The following RHPN2 variants were observed in gnomAD, a reference collection of about 807,000 sequenced individuals.
RHPN2 encodes the protein rhophilin-2.
In RHPN2, 40 loss-of-function variants were observed where a neutral mutation model predicts 79.0. The ratio of observed to expected loss-of-function variants is 0.51; its 90% CI spans 0.39 to 0.66. RHPN2 has a LOEUF of 0.66. Ranked by LOEUF, RHPN2 falls within the 30% of genes least tolerant of loss-of-function variation. The probability of loss-of-function intolerance (pLI) is 0.00; values close to 1 mark genes in which losing one functional copy is unlikely to be tolerated. For synonymous variants in RHPN2, 285 were observed against 363.5 expected, an observed-to-expected ratio of 0.78 and a Z score of 2.46; for missense variants, 686 against 883.5, an observed-to-expected ratio of 0.78 and a Z score of 2.83.
Position 32,996,129 on chromosome 19 carries a change from T to A in RHPN2, c.1317A>T (p.Leu439=), listed in dbSNP as rs543397656. The change falls in exon 11 of 15, where the codon CTA becomes CTT. Residue 439 remains leucine (L), a synonymous_variant. Transcript: ENST00000254260. Reference sequence around the variant, plus strand: ...CCTGTGCGGCACACAGCACCTTCTGTAGCACCTCAATGCTCCGCAGCTTCT... The same window carrying A: ...CCTGTGCGGCACACAGCACCTTCTGAAGCACCTCAATGCTCCGCAGCTTCT... ...LCKKLRSIEV[L]QKVLCAAQER... The A allele has an allele frequency of 6.2e-7, 1 of 1,614,012 alleles. No homozygotes were observed. Among genetic ancestry groups the A allele is most frequent in the Admixed American group, 1.7e-5 (1 of 59,988 alleles).
At chr19:33,016,112 A>G (rs10406533) in intron 4 of RHPN2, among the ~76,000 whole-genome samples, 3,357 of 152,292 alleles carry the variant, frequency 0.022, 134 homozygotes, top group African/African-American at 0.077. Flanking sequence ...AATAGCAACA[A>G]AAGTACATTT....
chr19:33,063,969 C>T (rs1972304613), intron 1 of RHPN2, among the ~76,000 whole-genome samples: 1 of 152,180 alleles, frequency 6.6e-6, no homozygotes, highest in African/African-American at 2.4e-5. Context: ...GGTGCAACGC[C>T]GGAGGCTCCC....
intron 14 of RHPN2, among the ~76,000 whole-genome samples, chr19:32,981,814 C>G (rs3991886): frequency 0.18 from 21,893 of 118,610 alleles, 1,582 homozygotes; most frequent in Middle Eastern, 0.24. Flanking sequence ...ACATTCACAT[C>G]ATTATGCTCC....
In RHPN2 at chr19:32,986,317, C is replaced by T. The variant is rs1328261223; in HGVS notation, c.1800+4197G>A. Among the ~76,000 whole-genome samples the T allele has an allele frequency of 4.6e-5, 7 of 152,370 alleles. No individual in the cohort carries two copies. In the East Asian group the frequency reaches 1.4e-3, roughly 29 times the overall value. On this transcript the variant is annotated intron_variant, in intron 14 of 14. Transcript: ENST00000254260. Reference sequence around the variant, plus strand: ...CAGGCCTCTGCTGATGGGGTCCCTACTCCAACCTTCAGTGTGTGGCTTGGC... The same window carrying T: ...CAGGCCTCTGCTGATGGGGTCCCTATTCCAACCTTCAGTGTGTGGCTTGGC...
intron 4 of RHPN2, 143 bp downstream of exon 4, chr19:33,021,428 C>T (rs1217054578): frequency 3.4e-5 from 24 of 703,458 alleles, no homozygotes; most frequent in Non-Finnish European, 6.2e-5. Flanking sequence ...ATGATCACAA[C>T]TCACTGCAGC....
At position 33,026,593 on chromosome 19, in the gene RHPN2, C is replaced by T; in HGVS notation, c.225G>A (p.Leu75=). Residue 75 remains leucine (L), a synonymous_variant, in exon 3 of 15, where the codon CTG becomes CTA. Coordinates refer to ENST00000254260, the MANE Select transcript of RHPN2 (RefSeq NM_033103.5). The part of the protein sequence containing the change: ...TNSKVREQVR[L]ELSFVNSDLQ... ...GGTCTGAGTTGACGAAGCTCAGCTC[C>T]AGCCGCACTTGCTCCCGCACCTTTG... is the stretch of plus-strand genomic sequence containing the variant. 6.2e-7 allele frequency: 1 copy of T among 1,609,314 alleles called. No individual in the cohort carries two copies. Among genetic ancestry groups the T allele is most frequent in the South Asian group, 1.1e-5 (1 of 91,076 alleles).
At chr19:33,049,661 A>G (rs1265606046) in intron 1 of RHPN2, among the ~76,000 whole-genome samples, 1 of 152,042 alleles carries the variant, frequency 6.6e-6, no homozygotes, top group African/African-American at 2.4e-5. Flanking sequence ...AACAGCCAAC[A>G]CCCAAGAAAA....
At chr19:33,044,463 T>G in intron 1 of RHPN2, 99 bp from the exon 2 acceptor site, 1 of 843,858 alleles carries the variant, frequency 1.2e-6, no homozygotes, top group Admixed American at 2.0e-5. Flanking sequence ...AAAATAATCT[T>G]TTCTGAAAAC....
chr19:33,031,419 C>T lies in RHPN2; in HGVS notation c.186-4787G>A, dbSNP rs7252186. Among the ~76,000 whole-genome samples the T allele has an allele frequency of 7.5e-3, 1,143 of 152,000 alleles. 13 individuals are homozygous for T. Among genetic ancestry groups the T allele is most frequent in the African/African-American group, 0.026 (1,066 of 41,490 alleles). On this transcript the variant is annotated intron_variant, in intron 2 of 14. Coordinates refer to ENST00000254260, the MANE Select transcript of RHPN2 (RefSeq NM_033103.5). ...GGACTACAGGCATGCACCACCACAC[C>T]CGGCTAATTTTTGTATTTTTTCACC...
At chr19:33,018,581 G>T (rs1971896853) in intron 4 of RHPN2, among the ~76,000 whole-genome samples, 1 of 152,074 alleles carries the variant, frequency 6.6e-6, no homozygotes, top group African/African-American at 2.4e-5. Flanking sequence ...GTAAACTTGA[G>T]TCCTGAAACA....
rs759890003 is a variant in RHPN2, at chr19:33,002,909, A to G, written c.852T>C (p.Leu284=). Residue 284 remains leucine (L), a synonymous_variant, in exon 8 of 15, where the codon CTT becomes CTC. Transcript: ENST00000254260. The part of the protein sequence containing the change: ...AMLSVLVKMM[L]AQAQESVFEK... ...CAAACACGCTTTCTTGGGCTTGTGC[A>G]AGCATCATTTTGACGAGCACGCTGA... is the stretch of plus-strand genomic sequence containing the variant. 1.9e-6 allele frequency: 3 copies of G among 1,613,844 alleles called. No homozygotes were observed. Among genetic ancestry groups the G allele is most frequent in the Non-Finnish European group, 2.5e-6 (3 of 1,179,868 alleles).
At chr19:33,034,401 C>A (rs1244241058) in intron 2 of RHPN2, among the ~76,000 whole-genome samples, 2 of 151,286 alleles carry the variant, frequency 1.3e-5, no homozygotes, top group Non-Finnish European at 2.9e-5. Flanking sequence ...GTCAGGAGAT[C>A]AAGACCATCC....
chr19:33,064,619 C>A (rs939656817), intron 1 of RHPN2, among the ~76,000 whole-genome samples, 165 bp downstream of exon 1: 1 of 152,080 alleles, frequency 6.6e-6, no homozygotes, highest in Admixed American at 6.5e-5. Context: ...TCGCCGCCCC[C>A]ACTCCTCCCC....
chr19:33,048,706 A>G (rs1382374649), intron 1 of RHPN2, among the ~76,000 whole-genome samples: 1 of 136,284 alleles, frequency 7.3e-6, no homozygotes, highest in Admixed American at 7.9e-5. Context: ...AGCCTGGGTG[A>G]CACAGCGAGA....
chr19:32,980,010 T>C lies in RHPN2; in HGVS notation c.2047A>G (p.Ser683Gly), dbSNP rs745665233. Residue 683 changes from serine (S) to glycine (G), a missense_variant, in exon 15 of 15, where the codon AGT becomes GGT. Ser to Gly is a moderately conservative substitution (Grantham distance 56). Coordinates refer to ENST00000254260, the MANE Select transcript of RHPN2 (RefSeq NM_033103.5). ...PSPFSLLNSD[S>G]SWY The stretch of plus-strand genomic sequence containing the variant: ...GTTTCCTCACATTAGTACCAAGAAC[T>C]GTCTGAGTTGAGAAGGCTGAAAGGG... 1 of 1,613,890 alleles carries C rather than the reference T, an allele frequency of 6.2e-7. No homozygotes were observed.
At chr19:33,050,353 A>G (rs920057550) in intron 1 of RHPN2, among the ~76,000 whole-genome samples, 3 of 152,166 alleles carry the variant, frequency 2.0e-5, no homozygotes, top group Admixed American at 1.3e-4. Context: ...TACAGCAACC[A>G]ATTCATTCCC....
intron 14 of RHPN2, among the ~76,000 whole-genome samples, chr19:32,988,538 A>G (rs901801229): frequency 1.4e-5 from 2 of 147,776 alleles, no homozygotes; most frequent in Admixed American, 1.4e-4. Context: ...CCCCTTCTGA[A>G]AGGGGCTTCC....
At chr19:32,986,268 G>C (rs187035886) in intron 14 of RHPN2, among the ~76,000 whole-genome samples, 1 of 152,180 alleles carries the variant, frequency 6.6e-6, no homozygotes, top group South Asian at 2.1e-4. Flanking sequence ...CCTCTCACAG[G>C]GGGCAGGGCA....
intron 7 of RHPN2, among the ~76,000 whole-genome samples, chr19:33,005,869 G>A (rs546092319): frequency 2.3e-4 from 35 of 152,168 alleles, no homozygotes; most frequent in African/African-American, 7.9e-4. Context: ...GCTTCATCCC[G>A]ATAGACCAAT....
Sources: gnomAD v4.1 joint callset for allele counts (sites outside exome capture counted in the v4.1 genomes callset) on GRCh38, gnomAD v4.1.1 for gene constraint, MANE v1.5 for transcripts, NCBI Gene and HGNC (gene_info 2026-07-23, HGNC 2026-07-21) for gene names.